The following SESTD1 variants were observed in gnomAD, a reference collection of about 807,000 sequenced individuals.
SESTD1 encodes SEC14 and spectrin domain containing 1.
SESTD1 carries 43 observed loss-of-function variants against 101.7 expected under a neutral mutation model. The observed-to-expected ratio is 0.42, with a 90% CI of 0.33 to 0.55. SESTD1 has a LOEUF of 0.55. Among genes scored for constraint, SESTD1 ranks in the 20% least tolerant of loss-of-function variants. SESTD1 has a pLI of 0.07. For missense variants in SESTD1, 647 were observed against 815.1 expected (o/e 0.79, Z 2.51); for synonymous variants, 283 against 286.8 (o/e 0.99, Z 0.13).
intron 9 of SESTD1, among the ~76,000 whole-genome samples, chr2:179,143,339 C>T (rs1053294872): frequency 2.0e-5 from 3 of 152,078 alleles, no homozygotes; most frequent in South Asian, 2.1e-4. Context: ...CCACTGATGA[C>T]GTTTCCAAGA....
chr2:179,184,285 G>C (rs1380079547), intron 2 of SESTD1, among the ~76,000 whole-genome samples: 1 of 152,234 alleles, frequency 6.6e-6, no homozygotes, highest in Non-Finnish European at 1.5e-5. Flanking sequence ...GGCTTAAAAA[G>C]CAGCAAATAC....
intron 11 of SESTD1, 71 bp downstream of exon 11, chr2:179,124,293 T>C: frequency 6.9e-7 from 1 of 1,447,928 alleles, no homozygotes; most frequent in Non-Finnish European, 9.3e-7. Context: ...CATGCAAACC[T>C]GAAAAAAATT....
At chr2:179,240,888 G>A (rs1231490472) in intron 1 of SESTD1, among the ~76,000 whole-genome samples, 1 of 152,078 alleles carries the variant, frequency 6.6e-6, no homozygotes, top group Non-Finnish European at 1.5e-5. Flanking sequence ...CCCACAAGGG[G>A]CGCTGTTAGA....
intron 1 of SESTD1, among the ~76,000 whole-genome samples, chr2:179,231,515 C>CAA (rs35364699): frequency 5.5e-4 from 80 of 145,302 alleles, no homozygotes; most frequent in Non-Finnish European, 8.7e-4. Flanking sequence ...CCTAAATATC[C>CAA]AAAAAAAAAG....
chr2:179,142,260 C>G (rs528967040), intron 9 of SESTD1, among the ~76,000 whole-genome samples: 1 of 152,280 alleles, frequency 6.6e-6, no homozygotes, highest in African/African-American at 2.4e-5. Flanking sequence ...TGGAATTTTA[C>G]AGAAGTTTGC....
intron 4 of SESTD1, among the ~76,000 whole-genome samples, chr2:179,175,995 A>G (rs2046005458): frequency 1.3e-5 from 2 of 152,204 alleles, no homozygotes; most frequent in Admixed American, 1.3e-4. Flanking sequence ...TATGTAGGAA[A>G]TAGGGGACCA....
intron 2 of SESTD1, among the ~76,000 whole-genome samples, chr2:179,185,029 G>A (rs1463138767): frequency 6.6e-6 from 1 of 152,058 alleles, no homozygotes; most frequent in Non-Finnish European, 1.5e-5. Flanking sequence ...TCATGGTAAA[G>A]ATTATAAGAG....
chr2:179,225,970 G>C (rs1354741786), intron 1 of SESTD1, among the ~76,000 whole-genome samples: 1 of 152,068 alleles, frequency 6.6e-6, no homozygotes, highest in Non-Finnish European at 1.5e-5. Flanking sequence ...GCATAAAACA[G>C]GATTGGCCAC....
At chr2:179,235,296 G>C (rs1438721041) in intron 1 of SESTD1, among the ~76,000 whole-genome samples, 1 of 152,044 alleles carries the variant, frequency 6.6e-6, no homozygotes, top group Non-Finnish European at 1.5e-5. Flanking sequence ...ACTCCCAAAT[G>C]GTTCAGAAAC....
intron 15 of SESTD1, 94 bp downstream of exon 15, chr2:179,116,574 C>A (rs772243314): frequency 2.5e-6 from 4 of 1,587,270 alleles, no homozygotes; most frequent in Non-Finnish European, 3.5e-6. Context: ...CAAAACTAAC[C>A]TTCTTGTACT....
chr2:179,125,832 T>C (rs2044860968), intron 10 of SESTD1, among the ~76,000 whole-genome samples: 1 of 152,186 alleles, frequency 6.6e-6, no homozygotes, highest in Non-Finnish European at 1.5e-5. Context: ...ATCGGAAAAC[T>C]CTTTCATCTT....
intron 9 of SESTD1, among the ~76,000 whole-genome samples, chr2:179,136,442 TA>T (rs2045146584): frequency 6.6e-6 from 1 of 152,152 alleles, no homozygotes; most frequent in South Asian, 2.1e-4. Flanking sequence ...GAAACAGAAA[TA>T]AAAAGAACGA....
intron 1 of SESTD1, among the ~76,000 whole-genome samples, chr2:179,262,397 C>CT (rs1330918215): frequency 6.6e-6 from 1 of 151,966 alleles, no homozygotes; most frequent in Non-Finnish European, 1.5e-5. Context: ...TAAGTCTCTG[C>CT]TTTTTTTTCT....
At chr2:179,211,250 A>C (rs969262857) in intron 1 of SESTD1, among the ~76,000 whole-genome samples, 2 of 133,650 alleles carry the variant, frequency 1.5e-5, no homozygotes, top group African/African-American at 5.9e-5. Flanking sequence ...GCAATCTATA[A>C]ATTCAATGCA....
intron 2 of SESTD1, among the ~76,000 whole-genome samples, chr2:179,190,251 C>T (rs1251280919): frequency 2.0e-5 from 3 of 151,960 alleles, no homozygotes; most frequent in Non-Finnish European, 4.4e-5. Flanking sequence ...AGGTCACATA[C>T]CTATAGCCTT....
rs2044466486 is a variant in SESTD1, at chr2:179,109,823, G to A, written c.*76C>T. The A allele has an allele frequency of 6.5e-7, 1 of 1,539,056 alleles. No individual in the cohort carries two copies. Among genetic ancestry groups the A allele is most frequent in the East Asian group, 2.3e-5 (1 of 44,120 alleles). ...TTTTGGCTGTGAAATGCATCTTAAG[G>A]TGTGGTGGCTAATGCTGTAGTATGT... On this transcript the variant is annotated 3_prime_UTR_variant, in exon 18 of 18. Coordinates refer to ENST00000428443, the MANE Select transcript of SESTD1 (RefSeq NM_178123.5).
intron 17 of SESTD1, among the ~76,000 whole-genome samples, chr2:179,111,533 G>A (rs1327117066): frequency 6.6e-6 from 1 of 152,184 alleles, no homozygotes; most frequent in East Asian, 1.9e-4. Flanking sequence ...GTAAGTGGTA[G>A]AGCTGAGACC....
At chr2:179,200,535 C>T (rs555669717) in intron 1 of SESTD1, among the ~76,000 whole-genome samples, 56 of 152,154 alleles carry the variant, frequency 3.7e-4, no homozygotes, top group Non-Finnish European at 5.9e-4. Flanking sequence ...TACAAGGCTA[C>T]AGTAACCAAA....
rs2044405080 is a variant in SESTD1, at chr2:179,107,289, A to G, written c.*2610T>C. 1 of 152,196 alleles carries G rather than the reference A, an allele frequency of 6.6e-6. No individual in the cohort carries two copies. The highest frequency in any genetic ancestry group is 1.5e-5 in the Non-Finnish European group (1 of 68,026). The allele number at this position is 152,196 out of a possible 1,614,324, so 9.4% of individuals were successfully genotyped here. A position where few individuals can be genotyped will look rare whatever the true frequency, so the allele number is the denominator to read the frequency against. ...GAAAGCAGCAGCAAATTTACAGATG[A>G]GGAGCAATGATATTCATTATGTTAA... On this transcript the variant is annotated 3_prime_UTR_variant, in exon 18 of 18. Transcript: ENST00000428443.
Sources: gnomAD v4.1 joint callset for allele counts (sites outside exome capture counted in the v4.1 genomes callset) on GRCh38, gnomAD v4.1.1 for gene constraint, MANE v1.5 for transcripts, NCBI Gene and HGNC (gene_info 2026-07-23, HGNC 2026-07-21) for gene names.